The following WDR64 variants were observed in gnomAD, a reference collection of about 807,000 sequenced individuals.
The protein encoded by WDR64 is WD repeat domain 64, also known as WD repeat-containing protein 64.
In WDR64, 112 loss-of-function variants were observed where a neutral mutation model predicts 139.3. The observed-to-expected ratio is 0.80, with a 90% confidence interval of 0.69 to 0.94. The LOEUF is 0.94. Ranked by LOEUF, WDR64 falls within the 40% of genes least tolerant of loss-of-function variation. WDR64 has a pLI of 0.00. For missense variants in WDR64, 1,206 were observed against 1,293.1 expected, an observed-to-expected ratio of 0.93 and a Z score of 1.03; for synonymous variants, 444 against 437.7, an observed-to-expected ratio of 1.01 and a Z score of -0.18.
rs1049867835 is a variant in WDR64, at chr1:241,653,413, T to C, written c.145+784T>C. 1.2e-3 allele frequency among the ~76,000 whole-genome samples: 182 copies of C among 152,228 alleles called. 5 individuals carry two copies. Among genetic ancestry groups the C allele is most frequent in the Non-Finnish European group, 8.8e-5 (6 of 68,044 alleles). On this transcript the variant is annotated intron_variant, in intron 1 of 27. Coordinates refer to ENST00000437684, the MANE Select transcript of WDR64 (RefSeq NM_001367482.1). ...TTGGGTGTTCAAACCCAAGCTGGTA[T>C]TAATTGAATAGTATTTAATAATTTA... is the stretch of plus-strand genomic sequence containing the variant.
chr1:241,672,056 T>C (rs1256693726), intron 3 of WDR64, among the ~76,000 whole-genome samples: 2 of 151,970 alleles, frequency 1.3e-5, no homozygotes, highest in Non-Finnish European at 2.9e-5. Context: ...GCACCTGTAG[T>C]CCCAGCTACT....
chr1:241,657,457 C>A (rs1340537249), intron 1 of WDR64, among the ~76,000 whole-genome samples: 1 of 152,208 alleles, frequency 6.6e-6, no homozygotes, highest in African/African-American at 2.4e-5. Flanking sequence ...CTGGTCTCAC[C>A]TCACAGCATT....
chr1:241,734,552 C>T (rs917369395), intron 10 of WDR64, among the ~76,000 whole-genome samples: 2 of 151,878 alleles, frequency 1.3e-5, no homozygotes, highest in African/African-American at 2.4e-5. Context: ...ATTGTCTGTA[C>T]AATGCGAAGC....
chr1:241,773,535 T>C (rs961230705), intron 20 of WDR64, among the ~76,000 whole-genome samples: 1 of 152,202 alleles, frequency 6.6e-6, no homozygotes, highest in Non-Finnish European at 1.5e-5. Flanking sequence ...AGTGGCGTGA[T>C]CTCAGCTCAC....
At chr1:241,770,331 G>T in intron 17 of WDR64, 1 of 262,200 alleles carries the variant, frequency 3.8e-6, no homozygotes, top group Non-Finnish European at 7.1e-6. Flanking sequence ...TTCAGTGTAA[G>T]AGCCTCTGGG....
At chr1:241,716,092 G>A (rs926305073) in intron 9 of WDR64, among the ~76,000 whole-genome samples, 3 of 152,050 alleles carry the variant, frequency 2.0e-5, no homozygotes, top group African/African-American at 7.3e-5. Context: ...CAAATTCCCA[G>A]TAACTGAAAA....
intron 10 of WDR64, among the ~76,000 whole-genome samples, chr1:241,732,771 A>G (rs12026648): frequency 0.16 from 23,993 of 151,944 alleles, 2,216 homozygotes; most frequent in East Asian, 0.29. Context: ...AGTGAGCTGA[A>G]ATGGTGCCAT....
At chr1:241,790,840 A>C in intron 25 of WDR64, 144 bp downstream of exon 25, 2 of 696,282 alleles carry the variant, frequency 2.9e-6, no homozygotes, top group Non-Finnish European at 4.6e-6. Context: ...TTGGTGGCTT[A>C]AACAATACAA....
At chr1:241,725,044 C>A (rs561782710) in intron 10 of WDR64, among the ~76,000 whole-genome samples, 83 of 151,598 alleles carry the variant, frequency 5.5e-4, no homozygotes, top group African/African-American at 2.0e-3. Flanking sequence ...GGGCAGGGGG[C>A]AAAAATGCAA....
chr1:241,723,468 G>A lies in WDR64; in HGVS notation c.1194+32G>A. ...AAAAGAAAATAACAAAACAAAACTA[G>A]TTTTTTCCGGAAAATTATCTGTTGG... On this transcript the variant is annotated intron_variant, in intron 10 of 27. Coordinates refer to ENST00000437684, the MANE Select transcript of WDR64 (RefSeq NM_001367482.1). 5 of 1,604,662 alleles carry A rather than the reference G, an allele frequency of 3.1e-6. No individual in the cohort carries two copies. In the African/African-American group the frequency reaches 4.0e-5, roughly 13 times the overall value.
intron 10 of WDR64, among the ~76,000 whole-genome samples, chr1:241,725,661 C>G (rs1668797743): frequency 6.6e-6 from 1 of 152,316 alleles, no homozygotes; most frequent in East Asian, 1.9e-4. Flanking sequence ...CTCCAGTTCA[C>G]AACTGAGGAC....
chr1:241,672,942 G>T (rs565216032), intron 3 of WDR64, among the ~76,000 whole-genome samples: 1 of 152,274 alleles, frequency 6.6e-6, no homozygotes, highest in South Asian at 2.1e-4. Flanking sequence ...CTACAAGGGG[G>T]CTGTGGATAG....
chr1:241,793,058 A>C (rs1659253653), intron 25 of WDR64, among the ~76,000 whole-genome samples: 1 of 152,350 alleles, frequency 6.6e-6, no homozygotes, highest in African/African-American at 2.4e-5. Context: ...AAAATAAATG[A>C]ATGAGAGAAA....
chr1:241,689,633 C>A (rs996386473), intron 8 of WDR64, among the ~76,000 whole-genome samples: 2 of 152,122 alleles, frequency 1.3e-5, no homozygotes, highest in Non-Finnish European at 2.9e-5. Flanking sequence ...GCATCAGAAT[C>A]AGATGCAGAC....
chr1:241,660,420 T>C, intron 1 of WDR64, 110 bp from the exon 2 acceptor site: 2 of 1,355,360 alleles, frequency 1.5e-6, no homozygotes, highest in African/African-American at 1.5e-5. Flanking sequence ...TATCTGGTTT[T>C]TATAGATTGA....
intron 9 of WDR64, among the ~76,000 whole-genome samples, chr1:241,714,138 G>C (rs558550649): frequency 2.6e-5 from 4 of 152,204 alleles, no homozygotes; most frequent in Non-Finnish European, 5.9e-5. Context: ...TGAGCTCCCA[G>C]AGGTTCCTCA....
intron 12 of WDR64, among the ~76,000 whole-genome samples, chr1:241,743,801 C>CA (rs1400294362): frequency 3.3e-5 from 5 of 152,000 alleles, no homozygotes; most frequent in Non-Finnish European, 5.9e-5. Flanking sequence ...TGATTACACC[C>CA]ATCCTAATTA....
intron 13 of WDR64, among the ~76,000 whole-genome samples, chr1:241,746,116 T>A (rs1669746420): frequency 6.6e-6 from 1 of 152,100 alleles, no homozygotes; most frequent in Admixed American, 6.5e-5. Context: ...ATATAGGGAG[T>A]ATTTAATCAA....
At chr1:241,793,839 C>A (rs374541403) in intron 25 of WDR64, among the ~76,000 whole-genome samples, 1 of 152,190 alleles carries the variant, frequency 6.6e-6, no homozygotes, top group East Asian at 1.9e-4. Context: ...CTCCATGTCT[C>A]CCTGCTTCAT....
Sources: allele counts gnomAD v4.1 joint callset (sites outside exome capture counted in the v4.1 genomes callset), GRCh38; gene constraint gnomAD v4.1.1; transcripts MANE v1.5; gene names NCBI Gene and HGNC (gene_info 2026-07-23, HGNC 2026-07-21).